CCDC102B: variants seen among roughly 807,000 people sequenced by gnomAD.
The protein encoded by CCDC102B is coiled-coil domain containing 102B, also known as coiled-coil domain-containing protein 102B.
In CCDC102B, 75 loss-of-function variants were observed where a neutral mutation model predicts 57.4. That is an observed-to-expected ratio of 1.31 (90% CI 1.08 to 1.58). The LOEUF (loss-of-function observed/expected upper bound fraction) is 1.58, where lower values mean the gene tolerates loss of function less well. Ranked by LOEUF, CCDC102B falls within the 40% of genes most tolerant of loss-of-function variation. The pLI is 0.00. For synonymous variants in CCDC102B, 206 were observed against 201.9 expected (o/e 1.02, Z -0.17); for missense variants, 636 against 582.6 (o/e 1.09, Z -0.94).
chr18:68,861,061 A>C (rs1244365843), intron 4 of CCDC102B, among the ~76,000 whole-genome samples: 1 of 150,620 alleles, frequency 6.6e-6, no homozygotes, highest in Non-Finnish European at 1.5e-5. Context: ...CAAACAGTGC[A>C]TGTTAACAGT....
chr18:69,005,634 G>A (rs778806481), intron 6 of CCDC102B, among the ~76,000 whole-genome samples: 3 of 151,654 alleles, frequency 2.0e-5, no homozygotes, highest in Non-Finnish European at 4.4e-5. Context: ...TTCAGTAGTT[G>A]ATGTATCATA....
At chr18:68,723,327 C>A (rs913960740) in intron 2 of CCDC102B, among the ~76,000 whole-genome samples, 30 of 152,076 alleles carry the variant, frequency 2.0e-4, no homozygotes, top group African/African-American at 6.8e-4. Flanking sequence ...TTGCCCCTCC[C>A]AAATCTCATG....
chr18:69,011,143 A>C, intron 7 of CCDC102B, 39 bp downstream of exon 7: 1 of 1,559,388 alleles, frequency 6.4e-7, no homozygotes, highest in Admixed American at 1.8e-5. Context: ...GACAGCTTCT[A>C]AATAGTATTT....
Position 68,836,948 on chromosome 18 carries a change from A to G in CCDC102B, c.185A>G (p.Tyr62Cys), listed in dbSNP as rs61997190. The G allele has an allele frequency of 7.9e-4, 1,280 of 1,614,154 alleles. 8 individuals carry two copies. Among genetic ancestry groups the G allele is most frequent in the Non-Finnish European group, 5.1e-4 (600 of 1,180,022 alleles). The change falls in exon 2 of 8, where the codon TAT becomes TGT. Residue 62 changes from tyrosine to cysteine, a missense_variant. Coordinates refer to ENST00000360242, the MANE Select transcript of CCDC102B (RefSeq NM_024781.3). ...GCTCACAATTTCTGTGCTCACTCAT[A>G]TAACACCAACAAATGGGATATTTGT... is the stretch of plus-strand genomic sequence containing the variant. Reference protein sequence around the residue: ...HAAHNFCAHSYNTNKWDICEE... With the variant: ...HAAHNFCAHSCNTNKWDICEE...
chr18:68,995,454 C>T (rs541723131), intron 6 of CCDC102B, among the ~76,000 whole-genome samples: 1 of 152,200 alleles, frequency 6.6e-6, no homozygotes, highest in African/African-American at 2.4e-5. Context: ...AGGCTTGTTG[C>T]TTTGTGCAGT....
intron 2 of CCDC102B, among the ~76,000 whole-genome samples, chr18:68,737,276 T>A (rs1257546058): frequency 6.6e-6 from 1 of 152,116 alleles, no homozygotes; most frequent in Non-Finnish European, 1.5e-5. Flanking sequence ...TTAAGTTCCT[T>A]CAGTGCACAC....
At chr18:68,967,736 A>G (rs527632239) in intron 6 of CCDC102B, among the ~76,000 whole-genome samples, 1 of 152,308 alleles carries the variant, frequency 6.6e-6, no homozygotes, top group African/African-American at 2.4e-5. Flanking sequence ...TGTGATTAAT[A>G]ATAAAACCCA....
chr18:68,725,206 T>C (rs1232434431), intron 2 of CCDC102B, among the ~76,000 whole-genome samples: 1 of 152,212 alleles, frequency 6.6e-6, no homozygotes, highest in Non-Finnish European at 1.5e-5. Flanking sequence ...TATAATTCAG[T>C]GTGAAATTTG....
chr18:68,986,440 A>G (rs1240062196), intron 6 of CCDC102B, among the ~76,000 whole-genome samples: 2 of 152,188 alleles, frequency 1.3e-5, no homozygotes, highest in African/African-American at 4.8e-5. Context: ...ATAGAATCCA[A>G]CATCCTTTCA....
intron 7 of CCDC102B, among the ~76,000 whole-genome samples, chr18:69,053,244 T>C (rs1335569502): frequency 1.3e-5 from 2 of 151,588 alleles, no homozygotes; most frequent in African/African-American, 4.8e-5. Flanking sequence ...GCAAGAATAT[T>C]ACATATAGCA....
intron 6 of CCDC102B, among the ~76,000 whole-genome samples, chr18:68,932,781 C>T (rs1162270324): frequency 1.3e-5 from 2 of 151,878 alleles, no homozygotes; most frequent in East Asian, 3.9e-4. Flanking sequence ...ACCTTAATTT[C>T]ATTTTCAGTA....
At chr18:68,756,857 T>C (rs1327188014) in intron 2 of CCDC102B, among the ~76,000 whole-genome samples, 1 of 151,784 alleles carries the variant, frequency 6.6e-6, no homozygotes, top group Non-Finnish European at 1.5e-5. Flanking sequence ...CATAGCATAT[T>C]GATGGTTTGG....
chr18:68,953,354 T>TA (rs1398481546), intron 6 of CCDC102B, among the ~76,000 whole-genome samples: 18 of 97,472 alleles, frequency 1.8e-4, no homozygotes, highest in South Asian at 3.0e-4. Context: ...CCAATACTTG[T>TA]CTTTTTTTTT....
chr18:68,765,369 GAAAGAAAGAAAA>G (rs2034425490), intron 2 of CCDC102B, among the ~76,000 whole-genome samples: 1 of 126,180 alleles, frequency 7.9e-6, no homozygotes, highest in African/African-American at 3.0e-5. Flanking sequence ...AAGAAAGAAA[GAAAGAAAGAAAA>G]GAAAGAAAGA....
chr18:69,003,646 T>C (rs1281348795), intron 6 of CCDC102B, among the ~76,000 whole-genome samples: 3 of 152,194 alleles, frequency 2.0e-5, no homozygotes, highest in Non-Finnish European at 2.9e-5. Flanking sequence ...TAAAACAGTC[T>C]CTTCTAGCCA....
intron 6 of CCDC102B, among the ~76,000 whole-genome samples, chr18:68,931,758 C>CT (rs1304262290): frequency 6.6e-6 from 1 of 151,850 alleles, no homozygotes; most frequent in Non-Finnish European, 1.5e-5. Context: ...TTAGGGAAGC[C>CT]TTATGACCAA....
intron 6 of CCDC102B, among the ~76,000 whole-genome samples, chr18:68,968,708 C>T (rs542578517): frequency 1.4e-3 from 206 of 152,282 alleles, no homozygotes; most frequent in African/African-American, 4.8e-3. Context: ...ATAATCCCTC[C>T]TCCAGCCCCT....
intron 6 of CCDC102B, among the ~76,000 whole-genome samples, chr18:68,995,852 T>G (rs1446349679): frequency 6.6e-6 from 1 of 152,074 alleles, no homozygotes; most frequent in Non-Finnish European, 1.5e-5. Flanking sequence ...TTGAACCGTG[T>G]GCTTGGAAAA....
chr18:68,835,014 A>T (rs1185608261), intron 1 of CCDC102B, among the ~76,000 whole-genome samples: 4 of 152,136 alleles, frequency 2.6e-5, no homozygotes, highest in African/African-American at 7.2e-5. Flanking sequence ...GTATCTGAGA[A>T]TAAAAATGGG....
Sources: allele counts gnomAD v4.1 joint callset (sites outside exome capture counted in the v4.1 genomes callset), GRCh38; gene constraint gnomAD v4.1.1; transcripts MANE v1.5; gene names NCBI Gene and HGNC (gene_info 2026-07-23, HGNC 2026-07-21).